TEKT4: variants seen among roughly 807,000 people sequenced by gnomAD.
TEKT4 encodes tektin-4.
TEKT4 carries 46 observed loss-of-function variants against 46.0 expected under a neutral mutation model. The observed-to-expected ratio is 1.00, with a 90% CI of 0.79 to 1.28. TEKT4 has a LOEUF of 1.28. Among genes scored for constraint, TEKT4 ranks in the 50% most tolerant of loss-of-function variants. TEKT4 has a pLI of 0.00. For synonymous variants in TEKT4, 325 were observed against 265.8 expected, an observed-to-expected ratio of 1.22 and a Z score of -2.17; for missense variants, 790 against 622.9, an observed-to-expected ratio of 1.27 and a Z score of -2.85.
chr2:94,874,749 C>T (rs782398155), intron 3 of TEKT4, 27 bp from the exon 4 acceptor site: 2 of 1,528,124 alleles, frequency 1.3e-6, no homozygotes, highest in South Asian at 1.2e-5. Flanking sequence ...CTCCCCGACC[C>T]TCTCCTGGCT....
intron 3 of TEKT4, among the ~76,000 whole-genome samples, chr2:94,874,443 C>T (rs11893788): frequency 6.7e-6 from 1 of 150,300 alleles, no homozygotes; most frequent in Non-Finnish European, 1.5e-5. Flanking sequence ...AGGGCGCGGG[C>T]GCTGGGTACT....
In TEKT4 at chr2:94,874,838, A is replaced by G; in HGVS notation, c.776A>G (p.Glu259Gly). ...TQDNLCRAQR[E>G]RLASANLRVL... ...GACAATCTGTGCCGTGCCCAGCGCG[A>G]GCGCCTGGCCTCGGCCAACCTGCGG... Residue 259 changes from glutamate (E) to glycine (G), a missense_variant, in exon 4 of 6, where the codon GAG becomes GGG. Physicochemically the swap from Glu to Gly is moderately conservative, Grantham distance 98 (BLOSUM62 -2). Transcript: ENST00000295201. 4 of 1,606,906 alleles carry G rather than the reference A, an allele frequency of 2.5e-6. No homozygotes were observed. Among genetic ancestry groups the G allele is most frequent in the Non-Finnish European group, 3.4e-6 (4 of 1,177,666 alleles).
intron 3 of TEKT4, among the ~76,000 whole-genome samples, 159 bp from the exon 4 acceptor site, chr2:94,874,617 G>A (rs1476071884): frequency 2.6e-5 from 4 of 152,060 alleles, no homozygotes; most frequent in Non-Finnish European, 5.9e-5. Context: ...GGGGCAGGGA[G>A]CCTGAGGGAC....
rs1553396285 is a variant in TEKT4 at position 94,875,650 on chromosome 2, CAA to C, written c.1001_1002del (p.Lys334ArgfsTer25). On this transcript the variant is annotated frameshift_variant, in exon 5 of 6. Transcript: ENST00000295201. LOFTEE classifies it high-confidence loss of function. ...CGGCACTGAAGCAGGCCATCAAGGA[CAA>C]AGAGGCACCTCTGCACGTAGCCCAG... The part of the protein sequence containing the change: ...VAALKQAIKD[K>X]EAPLHVAQTR... The C allele has an allele frequency of 6.2e-7, 1 of 1,614,060 alleles. No individual in the cohort carries two copies. The highest frequency in any genetic ancestry group is 1.3e-5 in the African/African-American group (1 of 74,932).
intron 1 of TEKT4, chr2:94,872,831 ACT>A (rs1558604932): frequency 7.8e-7 from 1 of 1,288,090 alleles, no homozygotes; most frequent in African/African-American, 1.5e-5. Context: ...TTCCCCCTGC[ACT>A]CTCTCAGTGC....
intron 3 of TEKT4, 28 bp downstream of exon 3, chr2:94,874,136 G>T (rs1486537557): frequency 6.2e-7 from 1 of 1,605,530 alleles, no homozygotes; most frequent in Admixed American, 1.7e-5. Context: ...CCCTGCACTT[G>T]CCCTGGCTGT....
intron 1 of TEKT4, chr2:94,872,990 T>C: frequency 1.6e-6 from 2 of 1,289,376 alleles, no homozygotes; most frequent in Non-Finnish European, 2.0e-6. Flanking sequence ...AAGTACCCAG[T>C]GGTTGAGGCA....
rs1558606528 is a variant in TEKT4, at chr2:94,874,013, G to C, written c.618G>C (p.Lys206Asn). 3 of 1,613,594 alleles carry C rather than the reference G, an allele frequency of 1.9e-6. No homozygotes were observed. Among genetic ancestry groups the C allele is most frequent in the Admixed American group, 1.7e-5 (1 of 60,014 alleles). ...KETCEMDWSD[K>N]MEAYNIDETC... ...CCTGCGAGATGGACTGGTCAGACAA[G>C]ATGGAGGCCTACAACATCGACGAGA... Residue 206 changes from lysine (K) to asparagine (N), a missense_variant, in exon 3 of 6, where the codon AAG becomes AAC. Transcript: ENST00000295201.
At chr2:94,876,492 C>T (rs1386116504) in intron 5 of TEKT4, 61 bp from the exon 6 acceptor site, 2 of 1,479,838 alleles carry the variant, frequency 1.4e-6, no homozygotes, top group Non-Finnish European at 9.1e-7. Flanking sequence ...TCCCCTACAC[C>T]CCGGTAGGTG....
chr2:94,873,062 A>G (rs113038296), intron 1 of TEKT4: 31 of 1,275,780 alleles, frequency 2.4e-5, no homozygotes, highest in Non-Finnish European at 3.2e-5. Flanking sequence ...TGGCCAGGCA[A>G]TAAGAAGAAA....
At position 94,876,563 on chromosome 2, in the gene TEKT4, G is replaced by A. The variant is rs782632513; in HGVS notation, c.1102G>A (p.Glu368Lys). 12 of 1,607,202 alleles carry A rather than the reference G, an allele frequency of 7.5e-6. No homozygotes were observed. Among genetic ancestry groups the A allele is most frequent in the East Asian group, 2.2e-5 (1 of 44,692 alleles). ...RDAAQFRLLSEVEELNMSLTA... is the reference protein window; with the variant it reads ...RDAAQFRLLSKVEELNMSLTA... ...CCCCAACACCCCCAGGCTGTTGAGT[G>A]AGGTGGAGGAGCTGAACATGTCCCT... Residue 368 changes from glutamate to lysine, a missense_variant, in exon 6 of 6, where the codon GAG becomes AAG. Glu to Lys is a moderately conservative substitution (Grantham distance 56). Transcript: ENST00000295201.
Position 94,875,678 on chromosome 2 carries a change from A to C in TEKT4, c.1027A>C (p.Thr343Pro). 1 of 1,614,090 alleles carries C rather than the reference A, an allele frequency of 6.2e-7. No homozygotes were observed. The highest frequency in any genetic ancestry group is 8.5e-7 in the Non-Finnish European group (1 of 1,179,988). The change falls in exon 5 of 6, where the codon ACC (threonine) becomes CCC (proline). Residue 343 changes from threonine to proline, a missense_variant. Thr to Pro is a conservative substitution (Grantham distance 38). Transcript: ENST00000295201. Reference protein sequence around the residue: ...DKEAPLHVAQTRLYLRSHRPN... With the variant: ...DKEAPLHVAQPRLYLRSHRPN... ...AGAGGCACCTCTGCACGTAGCCCAG[A>C]CCCGGCTGTACCTGCGCTCGCACCG...
In TEKT4 at chr2:94,871,863, T is replaced by G; in HGVS notation, c.284T>G (p.Leu95Arg). 6.2e-7 allele frequency: 1 copy of G among 1,601,860 alleles called. No individual in the cohort carries two copies. Among genetic ancestry groups the G allele is most frequent in the East Asian group, 2.2e-5 (1 of 44,684 alleles). The change falls in exon 1 of 6, where the codon CTG becomes CGG. Residue 95 changes from leucine (L) to arginine (R), a missense_variant. Coordinates refer to ENST00000295201, the MANE Select transcript of TEKT4 (RefSeq NM_144705.4). ...QDSTRTVGERLQDTHSWKSEL... is the reference protein window; with the variant it reads ...QDSTRTVGERRQDTHSWKSEL... ...TCCACGCGCACAGTGGGCGAGCGAC[T>G]GCAGGACACGCACAGCTGGAAGTCG...
chr2:94,871,538 A>G lies in TEKT4; in HGVS notation c.-42A>G. 1 of 1,535,604 alleles carries G rather than the reference A, an allele frequency of 6.5e-7. No homozygotes were observed. Among genetic ancestry groups the G allele is most frequent in the Non-Finnish European group, 8.8e-7 (1 of 1,141,690 alleles). On this transcript the variant is annotated 5_prime_UTR_variant, in exon 1 of 6. Coordinates refer to ENST00000295201, the MANE Select transcript of TEKT4 (RefSeq NM_144705.4). ...AGGCTGACCGCAACCGGCTGACCAC[A>G]CACAGTCCTCACTCCCCTGGCCCTG...
intron 4 of TEKT4, 28 bp downstream of exon 4, chr2:94,875,026 C>G (rs1573188419): frequency 6.4e-7 from 1 of 1,556,108 alleles, no homozygotes; most frequent in Non-Finnish European, 8.7e-7. Context: ...CCGAAGACGG[C>G]CCCCTCTCAT....
chr2:94,873,876 C>A, intron 2 of TEKT4, 89 bp from the exon 3 acceptor site: 2 of 1,547,690 alleles, frequency 1.3e-6, no homozygotes, highest in Admixed American at 1.8e-5. Flanking sequence ...CCTCCTGAGG[C>A]AGGCATTGGG....
At chr2:94,874,722 C>T in intron 3 of TEKT4, 54 bp from the exon 4 acceptor site, 1 of 1,469,474 alleles carries the variant, frequency 6.8e-7, no homozygotes, top group Non-Finnish European at 9.1e-7. Flanking sequence ...AGCAGGGCTC[C>T]CAGCCTTCGG....
chr2:94,873,099 G>T, intron 1 of TEKT4: 1 of 1,244,188 alleles, frequency 8.0e-7, no homozygotes, highest in Non-Finnish European at 1.0e-6. Context: ...TGTTCTTGGT[G>T]TGAAGATGGC....
intron 3 of TEKT4, 110 bp from the exon 4 acceptor site, chr2:94,874,666 T>C (rs1553395749): frequency 6.9e-6 from 7 of 1,021,356 alleles, no homozygotes; most frequent in Admixed American, 2.8e-5. Context: ...TCGGAGTCCA[T>C]GCACGTCCTC....
Sources: allele counts gnomAD v4.1 joint callset (sites outside exome capture counted in the v4.1 genomes callset), GRCh38; gene constraint gnomAD v4.1.1; transcripts MANE v1.5; gene names NCBI Gene and HGNC (gene_info 2026-07-23, HGNC 2026-07-21).